Variants in DLGAP1 observed in about 807,000 individuals in gnomAD.
The protein encoded by DLGAP1 is DLG associated protein 1, also known as disks large-associated protein 1.
A neutral mutation model predicts 90.8 loss-of-function variants in DLGAP1; 11 were observed. The observed-to-expected ratio is 0.12, with a 90% CI of 0.08 to 0.20. The LOEUF (loss-of-function observed/expected upper bound fraction) is 0.20. Ranked by LOEUF, DLGAP1 falls within the 10% of genes least tolerant of loss-of-function variation. The probability of loss-of-function intolerance (pLI) is 1.00; values close to 1 mark genes in which losing one functional copy is unlikely to be tolerated. For synonymous variants in DLGAP1, 558 were observed against 540.7 expected (o/e 1.03, Z -0.44); for missense variants, 1,050 against 1,333.8 (o/e 0.79, Z 3.31).
chr18:3,666,455 C>A (rs2059887581), intron 7 of DLGAP1, among the ~76,000 whole-genome samples: 1 of 152,158 alleles, frequency 6.6e-6, no homozygotes, highest in South Asian at 2.1e-4. Flanking sequence ...TGCATTGCCC[C>A]CTGGCGTTTG....
At chr18:3,784,476 A>G (rs991041856) in intron 5 of DLGAP1, among the ~76,000 whole-genome samples, 5 of 152,162 alleles carry the variant, frequency 3.3e-5, no homozygotes, top group African/African-American at 1.2e-4. Context: ...TTATTTTTTA[A>G]GAATCCTGGA....
chr18:3,754,017 T>A (rs886952210), intron 5 of DLGAP1, among the ~76,000 whole-genome samples: 19 of 152,314 alleles, frequency 1.2e-4, no homozygotes, highest in African/African-American at 4.6e-4. Flanking sequence ...TATTTATTTT[T>A]GAGACAGGGT....
At chr18:4,165,535 G>A (rs1166010062) in intron 1 of DLGAP1, among the ~76,000 whole-genome samples, 4 of 152,072 alleles carry the variant, frequency 2.6e-5, no homozygotes, top group African/African-American at 9.7e-5. Context: ...AGAAAAACAG[G>A]AACAAGTAAA....
At chr18:3,977,744 G>C (rs1352332096) in intron 3 of DLGAP1, 1 of 347,624 alleles carries the variant, frequency 2.9e-6, no homozygotes, top group Non-Finnish European at 5.5e-6. Context: ...TGGTTGTTGA[G>C]GGCAATGCCC....
chr18:3,901,661 G>A (rs2071786707), intron 3 of DLGAP1, among the ~76,000 whole-genome samples: 1 of 151,978 alleles, frequency 6.6e-6, no homozygotes, highest in African/African-American at 2.4e-5. Context: ...CCACCTACAT[G>A]GGGTATTTTC....
intron 7 of DLGAP1, among the ~76,000 whole-genome samples, chr18:3,728,199 G>C (rs1234740758): frequency 6.6e-6 from 1 of 151,362 alleles, no homozygotes; most frequent in African/African-American, 2.4e-5. Flanking sequence ...CTCTAAGTTT[G>C]ATGATCTTCT....
chr18:3,933,277 G>A lies in DLGAP1; in HGVS notation c.-72-53137C>T, dbSNP rs114115857. Among the ~76,000 whole-genome samples the A allele has an allele frequency of 2.5e-3, 383 of 152,264 alleles. 3 individuals are homozygous for A. The highest frequency in any genetic ancestry group is 8.3e-3 in the African/African-American group (346 of 41,544). On this transcript the variant is annotated intron_variant, in intron 3 of 12. Coordinates refer to ENST00000315677, the MANE Select transcript of DLGAP1 (RefSeq NM_004746.4). Reference sequence around the variant, plus strand: ...TCTGCCTTTCTGTAGCTTATAGTGCGGTGGGAAAATGGATGTGAATAAAAT... The same window carrying A: ...TCTGCCTTTCTGTAGCTTATAGTGCAGTGGGAAAATGGATGTGAATAAAAT...
chr18:3,968,521 A>G (rs1271275875), intron 3 of DLGAP1, among the ~76,000 whole-genome samples: 1 of 152,196 alleles, frequency 6.6e-6, no homozygotes, highest in African/African-American at 2.4e-5. Flanking sequence ...TATTTTGTGC[A>G]ATCTCTTTAC....
chr18:4,232,491 G>A (rs150064140), intron 1 of DLGAP1, among the ~76,000 whole-genome samples: 4 of 152,218 alleles, frequency 2.6e-5, no homozygotes, highest in Non-Finnish European at 5.9e-5. Flanking sequence ...TAATGAATGT[G>A]TCATTTTATG....
At chr18:3,996,042 T>G (rs944811981) in intron 3 of DLGAP1, among the ~76,000 whole-genome samples, 45 of 152,180 alleles carry the variant, frequency 3.0e-4, no homozygotes, top group Non-Finnish European at 1.2e-4. Context: ...TAAGTAAGCC[T>G]AATTCAATAC....
Position 3,561,713 on chromosome 18 carries a change from T to C in DLGAP1, c.2057+5777A>G, listed in dbSNP as rs983606674. ...CTGTTCTTGCATGGTTTCCGAGAAG[T>C]TGGATATACTTCTTTCAATTTTTTT... On this transcript the variant is annotated intron_variant, in intron 9 of 12. Transcript: ENST00000315677. Among the ~76,000 whole-genome samples the C allele has an allele frequency of 2.6e-5, 4 of 150,996 alleles. 1 individual carries two copies. Among genetic ancestry groups the C allele is most frequent in the African/African-American group, 7.4e-5 (3 of 40,340 alleles).
At chr18:4,235,217 G>A (rs1283002243) in intron 1 of DLGAP1, among the ~76,000 whole-genome samples, 1 of 152,066 alleles carries the variant, frequency 6.6e-6, no homozygotes, top group African/African-American at 2.4e-5. Context: ...GTACCCTCAC[G>A]GGCCCACCAC....
chr18:3,528,044 T>C (rs2051761748), intron 10 of DLGAP1, among the ~76,000 whole-genome samples: 1 of 152,282 alleles, frequency 6.6e-6, no homozygotes, highest in South Asian at 2.1e-4. Flanking sequence ...ATAAATTGCG[T>C]GATTAGAATC....
At chr18:3,609,812 C>CT (rs1325918987) in intron 7 of DLGAP1, among the ~76,000 whole-genome samples, 1 of 151,610 alleles carries the variant, frequency 6.6e-6, no homozygotes, top group African/African-American at 2.4e-5. Flanking sequence ...AATCCCAGCA[C>CT]TTTGGGAGGC....
intron 2 of DLGAP1, among the ~76,000 whole-genome samples, chr18:4,045,465 A>AAAAAAAAAAAAAAAAAAAAAAG (rs2075038289): frequency 7.7e-6 from 1 of 130,194 alleles, no homozygotes; most frequent in African/African-American, 2.9e-5. Context: ...AAAAAAAAAA[A>AAAAAAAAAAAAAAAAAAAAAAG]GCTTGCCCCT....
At chr18:4,088,272 T>TGA (rs1247508520) in intron 2 of DLGAP1, among the ~76,000 whole-genome samples, 2 of 152,170 alleles carry the variant, frequency 1.3e-5, no homozygotes, top group Non-Finnish European at 2.9e-5. Context: ...TGTTTCTCTC[T>TGA]GATCTTTTGT....
chr18:4,069,425 AT>A (rs1371060996), intron 2 of DLGAP1, among the ~76,000 whole-genome samples: 2 of 152,292 alleles, frequency 1.3e-5, no homozygotes, highest in East Asian at 3.9e-4. Context: ...CTCATGTCAA[AT>A]TGTAATCCCC....
intron 5 of DLGAP1, among the ~76,000 whole-genome samples, chr18:3,778,656 A>C (rs1172698407): frequency 6.6e-6 from 1 of 152,164 alleles, no homozygotes; most frequent in African/African-American, 2.4e-5. Flanking sequence ...CAAATCCCTT[A>C]AGAAGCACCA....
chr18:4,415,423 T>C lies in DLGAP1; in HGVS notation c.-267+39583A>G, dbSNP rs149744662. Among the ~76,000 whole-genome samples, 77 of 152,214 alleles carry C rather than the reference T, an allele frequency of 5.1e-4. 1 individual carries two copies. The East Asian group carries it at 0.014, about 28-fold the overall frequency. On this transcript the variant is annotated intron_variant, in intron 1 of 12. Coordinates refer to ENST00000315677, the MANE Select transcript of DLGAP1 (RefSeq NM_004746.4). Reference sequence around the variant, plus strand: ...AAAATTTATTACTTGCCTTATAAAATAAACATTCAAAAAATGAAAAATTGT... The same window carrying C: ...AAAATTTATTACTTGCCTTATAAAACAAACATTCAAAAAATGAAAAATTGT...
Sources: gnomAD v4.1 joint callset for allele counts (sites outside exome capture counted in the v4.1 genomes callset) on GRCh38, gnomAD v4.1.1 for gene constraint, MANE v1.5 for transcripts, NCBI Gene and HGNC (gene_info 2026-07-23, HGNC 2026-07-21) for gene names.